Variants in LIMS2 observed in about 807,000 individuals in gnomAD.
LIMS2 encodes LIM and senescent cell antigen-like-containing domain protein 2.
Under a neutral mutation model 45.3 loss-of-function variants are expected in LIMS2, and 30 were observed. The observed-to-expected ratio is 0.66, with a 90% CI of 0.50 to 0.90. The LOEUF (loss-of-function observed/expected upper bound fraction) is 0.90. LIMS2 is among the 40% of genes least tolerant of loss of function. The pLI is 0.00. For synonymous variants in LIMS2, 173 were observed against 188.0 expected (o/e 0.92, Z 0.65); for missense variants, 485 against 468.7 (o/e 1.03, Z -0.32).
intron 4 of LIMS2, chr2:127,651,047 C>G: frequency 6.2e-7 from 1 of 1,613,738 alleles, no homozygotes; most frequent in Non-Finnish European, 8.5e-7. Flanking sequence ...AAATCGCATG[C>G]CGTCTCACCG....
intron 4 of LIMS2, among the ~76,000 whole-genome samples, chr2:127,649,161 A>G (rs1261163355): frequency 7.3e-6 from 1 of 137,568 alleles, no homozygotes; most frequent in African/African-American, 2.7e-5. Flanking sequence ...GAGAGAGAGG[A>G]AGGTAGGAAG....
chr2:127,642,529 G>C lies in LIMS2; in HGVS notation c.510-330C>G. ...GGAGAGGACTGGAGGGGACGGTGGG[G>C]GTGGGCGAGGACGGGGGCTGAGGGG... On this transcript the variant is annotated intron_variant, in intron 5 of 9. Transcript: ENST00000355119. This position sits in a 1 kb window ranked among gnomAD's most constrained non-coding sequence, Gnocchi z 5.3. 1 of 380,424 alleles carries C rather than the reference G, an allele frequency of 2.6e-6. No homozygotes were observed. The highest frequency in any genetic ancestry group is 2.0e-5 in the African/African-American group (1 of 48,824). 23.6% of individuals were successfully genotyped at this position (380,424 alleles called of 1,614,324 possible).
chr2:127,680,625 A>G lies in LIMS2; in HGVS notation c.-5+695T>C, dbSNP rs182942573. ...GATCCACAATTCTCTCAACATTTGC[A>G]GAACACACAAGAGACCCAGGGATTC... On this transcript the variant is annotated intron_variant, in intron 1 of 9. Coordinates refer to the LIMS2 transcript ENST00000410011. Among the ~76,000 whole-genome samples the G allele has an allele frequency of 8.3e-3, 1,270 of 152,374 alleles. 7 individuals are homozygous for G. The highest frequency in any genetic ancestry group is 0.013 in the Non-Finnish European group (877 of 68,032).
rs1683146398 is a variant in LIMS2, at chr2:127,647,679, CTCCCCGCACACACCT to C, written c.360-4622_360-4608del. Among the ~76,000 whole-genome samples the C allele has an allele frequency of 6.6e-6, 1 of 152,060 alleles. No homozygotes were observed. The highest frequency in any genetic ancestry group is 2.4e-5 in the African/African-American group (1 of 41,386). ...CCTCTCCTCTTCCAGTCTCCAGGGC[CTCCCCGCACACACCT>C]TCCTCCTCTCCTGCCAACCTGAAAA... On this transcript the variant is annotated intron_variant, in intron 4 of 9. Transcript: ENST00000355119. This position sits in a 1 kb window ranked among gnomAD's most constrained non-coding sequence, Gnocchi z 4.3.
At chr2:127,675,973 C>T (rs113400981), upstream of LIMS2, among the ~76,000 whole-genome samples, 92 of 152,348 alleles carry the variant, frequency 6.0e-4, 1 homozygote, top group African/African-American at 2.1e-3. Context: ...TCCAGGGGAA[C>T]CAGGCACGCC....
At chr2:127,668,686 AAAAAAAAAAAAAAAAAAAAAAAAAACAC>A (rs1223327242) in intron 1 of LIMS2, among the ~76,000 whole-genome samples, 5 of 126,146 alleles carry the variant, frequency 4.0e-5, no homozygotes, top group African/African-American at 1.7e-4. Flanking sequence ...AAAAAAAAAA[AAAAAAAAAAAAAAAAAAAAAAAAAACAC>A]CTTACTTAAA....
upstream of LIMS2, among the ~76,000 whole-genome samples, chr2:127,676,514 C>T (rs1237200566): frequency 2.0e-5 from 3 of 148,916 alleles, no homozygotes; most frequent in East Asian, 2.0e-4. Flanking sequence ...CAGGTTCAAG[C>T]GATTCTCCTG....
chr2:127,651,052 T>A, intron 4 of LIMS2: 1 of 1,613,752 alleles, frequency 6.2e-7, no homozygotes, highest in Non-Finnish European at 8.5e-7. Flanking sequence ...GCATGCCGTC[T>A]CACCGGCTTC....
intron 2 of LIMS2, among the ~76,000 whole-genome samples, chr2:127,656,616 T>C (rs1476823328): frequency 2.6e-5 from 4 of 152,146 alleles, no homozygotes; most frequent in Admixed American, 6.5e-5. Flanking sequence ...GGTTTCACCA[T>C]GTTGGCCAGG....
At chr2:127,639,962 C>T in intron 9 of LIMS2, 108 bp downstream of exon 9, 1 of 1,218,280 alleles carries the variant, frequency 8.2e-7, no homozygotes, top group African/African-American at 1.5e-5. Context: ...CTTGTCCCCA[C>T]CATATCCCCA....
In LIMS2 at chr2:127,640,889, G is replaced by A; in HGVS notation, c.753+7C>T. On this transcript the variant is annotated splice_region_variant and intron_variant, in intron 7 of 9. Coordinates refer to ENST00000355119, the MANE Select transcript of LIMS2 (RefSeq NM_001161403.3). Reference sequence around the variant, plus strand: ...CCGCATCCCTGAAGGTTCTGCACCGGGCTCACCTGGTTGTAGTGAGTCTCG... The same window carrying A: ...CCGCATCCCTGAAGGTTCTGCACCGAGCTCACCTGGTTGTAGTGAGTCTCG... The A allele has an allele frequency of 1.2e-6, 2 of 1,612,934 alleles. No homozygotes were observed. Among genetic ancestry groups the A allele is most frequent in the Non-Finnish European group, 1.7e-6 (2 of 1,179,332 alleles).
chr2:127,674,977 G>A, intron 1 of LIMS2, 37 bp downstream of exon 1: 2 of 1,228,270 alleles, frequency 1.6e-6, no homozygotes, highest in Non-Finnish European at 2.0e-6. Context: ...CCGCAGTCCC[G>A]CCTCCCCGGC....
At chr2:127,675,939 AACCAAAT>A (rs1419458903), upstream of LIMS2, among the ~76,000 whole-genome samples, 3 of 152,254 alleles carry the variant, frequency 2.0e-5, no homozygotes, top group African/African-American at 7.2e-5. Flanking sequence ...TAAACGACAA[AACCAAAT>A]GCCCAGCTCC....
In LIMS2 at chr2:127,643,091, T is replaced by C. The variant is rs932125349; in HGVS notation, c.360-19A>G. The C allele has an allele frequency of 2.6e-6, 4 of 1,555,236 alleles. No individual in the cohort carries two copies. In the African/African-American group the frequency reaches 5.4e-5, roughly 21 times the overall value. The stretch of plus-strand genomic sequence containing the variant: ...GAGATGCCTGCGGGAGGCGGGGGCA[T>C]TAGGGGCAGAGCCCCCACTCCCACA... On this transcript the variant is annotated intron_variant, in intron 4 of 9. Coordinates refer to ENST00000355119, the MANE Select transcript of LIMS2 (RefSeq NM_001161403.3).
At chr2:127,651,117 G>T (rs200325251) in intron 4 of LIMS2, 57 of 1,613,312 alleles carry the variant, frequency 3.5e-5, no homozygotes, top group Non-Finnish European at 4.8e-5. Flanking sequence ...CATCAGCGCC[G>T]ACCGTTTCCT....
intron 1 of LIMS2, among the ~76,000 whole-genome samples, chr2:127,661,881 A>C (rs1200522761): frequency 2.0e-5 from 3 of 152,030 alleles, no homozygotes; most frequent in Non-Finnish European, 4.4e-5. Context: ...AGAGGATTGG[A>C]CTCATGTTCC....
In LIMS2 at chr2:127,650,139, C is replaced by A. The variant is rs113320968; in HGVS notation, c.359+4285G>T. On this transcript the variant is annotated intron_variant, in intron 4 of 9. Transcript: ENST00000355119. The stretch of plus-strand genomic sequence containing the variant: ...AGCCCTTGCTGCCATCCTGGGGGCA[C>A]CCTCCTAAGTGCCAGGGGCAAGCCA... The A allele has an allele frequency of 6.2e-6, 9 of 1,442,450 alleles. No individual in the cohort carries two copies. In the African/African-American group the frequency reaches 8.4e-5, roughly 14 times the overall value. The allele number at this position is 1,442,450 out of a possible 1,614,324, so 89.4% of individuals were successfully genotyped here. A position where few individuals can be genotyped will look rare whatever the true frequency, so the allele number is the denominator to read the frequency against.
rs1682563040 is a variant in LIMS2 at position 127,642,760 on chromosome 2, G to A, written c.509+163C>T. The A allele has an allele frequency of 1.3e-5, 10 of 745,076 alleles. No individual in the cohort carries two copies. The highest frequency in any genetic ancestry group is 2.1e-5 in the Non-Finnish European group (10 of 470,440). 46.2% of individuals were successfully genotyped at this position (745,076 alleles called of 1,614,324 possible). On this transcript the variant is annotated intron_variant, in intron 5 of 9. Coordinates refer to ENST00000355119, the MANE Select transcript of LIMS2 (RefSeq NM_001161403.3). This position sits in a 1 kb window ranked among gnomAD's most constrained non-coding sequence, Gnocchi z 5.3. Reference sequence around the variant, plus strand: ...TGCCATGGCTGCTTCCCAGCCCCCAGCCCACCTCTGCCCTGCAGCCTTGCT... The same window carrying A: ...TGCCATGGCTGCTTCCCAGCCCCCAACCCACCTCTGCCCTGCAGCCTTGCT...
rs1008325543 is a variant in LIMS2 at position 127,642,364 on chromosome 2, G to A, written c.510-165C>T. The A allele has an allele frequency of 3.1e-5, 22 of 719,386 alleles. No homozygotes were observed. The Admixed American group carries it at 4.5e-4, about 15-fold the overall frequency. 44.6% of individuals were successfully genotyped at this position (719,386 alleles called of 1,614,324 possible). A position where few individuals can be genotyped will look rare whatever the true frequency, so the allele number is the denominator to read the frequency against. On this transcript the variant is annotated intron_variant, in intron 5 of 9. Coordinates refer to ENST00000355119, the MANE Select transcript of LIMS2 (RefSeq NM_001161403.3). This position sits in a 1 kb window ranked among gnomAD's most constrained non-coding sequence, Gnocchi z 5.3. ...TCTGGGCACTTTGAAGACTTCCTGT[G>A]CCCCAGACAGGCCCTGGAGCACAGA...
Sources: gnomAD v4.1 joint callset for allele counts (sites outside exome capture counted in the v4.1 genomes callset) on GRCh38, gnomAD v4.1.1 for gene constraint, Gnocchi (gnomAD v3.1) non-coding constraint, MANE v1.5 for transcripts, NCBI Gene and HGNC (gene_info 2026-07-23, HGNC 2026-07-21) for gene names.